The following MUSK variants were observed in gnomAD, a reference collection of about 807,000 sequenced individuals.
The protein encoded by MUSK is muscle associated receptor tyrosine kinase.
MUSK carries 55 observed loss-of-function variants against 88.7 expected under a neutral mutation model. That is an observed-to-expected ratio of 0.62 (90% CI 0.50 to 0.78). The LOEUF is 0.78. Among genes scored for constraint, MUSK ranks in the 30% least tolerant of loss-of-function variants. The pLI is 0.00. For missense variants in MUSK, 1,015 were observed against 1,074.3 expected, an observed-to-expected ratio of 0.94 and a Z score of 0.77; for synonymous variants, 387 against 391.9, an observed-to-expected ratio of 0.99 and a Z score of 0.15.
intron 8 of MUSK, among the ~76,000 whole-genome samples, chr9:110,764,797 C>G (rs1023433902): frequency 6.6e-6 from 1 of 152,046 alleles, no homozygotes; most frequent in African/African-American, 2.4e-5. Context: ...TATGTTTTTT[C>G]CCAGCACATA....
intron 3 of MUSK, among the ~76,000 whole-genome samples, chr9:110,692,034 CT>C (rs895232348): frequency 1.3e-5 from 2 of 151,702 alleles, no homozygotes; most frequent in African/African-American, 4.8e-5. Flanking sequence ...TAGGATTTTT[CT>C]TTTTTTTCTA....
chr9:110,781,542 C>G (rs1017349875), intron 11 of MUSK, among the ~76,000 whole-genome samples: 2 of 152,180 alleles, frequency 1.3e-5, no homozygotes, highest in Admixed American at 1.3e-4. Flanking sequence ...TCCCAAAGTG[C>G]TGGGATTACA....
chr9:110,681,045 A>ATATTATATAT, intron 1 of MUSK, among the ~76,000 whole-genome samples: 1 of 20,534 alleles, frequency 4.9e-5, no homozygotes, highest in Non-Finnish European at 8.6e-5. Flanking sequence ...ATTATATAAT[A>ATATTATATAT]TATATTATAT....
intron 9 of MUSK, among the ~76,000 whole-genome samples, chr9:110,770,484 T>A (rs1445533959): frequency 6.8e-6 from 1 of 146,810 alleles, no homozygotes; most frequent in Non-Finnish European, 1.5e-5. Flanking sequence ...ATAATTATAA[T>A]TATAGTTTAT....
chr9:110,687,341 C>T, intron 3 of MUSK, 73 bp downstream of exon 3: 1 of 1,558,080 alleles, frequency 6.4e-7, no homozygotes, highest in Non-Finnish European at 8.8e-7. Context: ...TTATTTTTTA[C>T]ATTTTTTTTT....
At chr9:110,752,359 G>T (rs1466675749) in intron 7 of MUSK, among the ~76,000 whole-genome samples, 1 of 152,190 alleles carries the variant, frequency 6.6e-6, no homozygotes, top group Non-Finnish European at 1.5e-5. Flanking sequence ...TTCATTCAGG[G>T]TCATTTGAAA....
At position 110,733,269 on chromosome 9, in the gene MUSK, C is replaced by T. The variant is rs114562048; in HGVS notation, c.629-982C>T. 3.8e-3 allele frequency among the ~76,000 whole-genome samples: 571 copies of T among 152,212 alleles called. 2 individuals carry two copies. Among genetic ancestry groups the T allele is most frequent in the African/African-American group, 0.013 (550 of 41,552 alleles). On this transcript the variant is annotated intron_variant, in intron 5 of 14. Coordinates refer to ENST00000374448, the MANE Select transcript of MUSK (RefSeq NM_005592.4). ...TCAGAAGACTTGAGTCCAGGTTTCT[C>T]ACTCATCATTCTTGTTACCTTGGGA...
intron 5 of MUSK, among the ~76,000 whole-genome samples, chr9:110,711,016 G>T (rs979707674): frequency 6.6e-6 from 1 of 151,976 alleles, no homozygotes; most frequent in Non-Finnish European, 1.5e-5. Context: ...ACCAAACACC[G>T]CATGTTCTCA....
At chr9:110,682,856 T>C in intron 2 of MUSK, 56 bp downstream of exon 2, 3 of 1,212,976 alleles carry the variant, frequency 2.5e-6, no homozygotes, top group Non-Finnish European at 2.3e-6. Flanking sequence ...AGTAGGTGTA[T>C]ATATATGTAT....
In MUSK at chr9:110,775,937, C is replaced by A; in HGVS notation, c.1334C>A (p.Thr445Lys). The change falls in exon 10 of 15, where the codon ACG (threonine) becomes AAG (lysine). Residue 445 changes from threonine to lysine, a missense_variant. Coordinates refer to ENST00000374448, the MANE Select transcript of MUSK (RefSeq NM_005592.4). ...CTTCCCAGCATGCATTGGGACCCCA[C>A]GGCCTGTGCCAGACTGCCACATCTA... ...SKLPSMHWDP[T>K]ACARLPHLDY... 1 of 1,613,570 alleles carries A rather than the reference C, an allele frequency of 6.2e-7. No homozygotes were observed. The highest frequency in any genetic ancestry group is 8.5e-7 in the Non-Finnish European group (1 of 1,179,580).
intron 5 of MUSK, among the ~76,000 whole-genome samples, chr9:110,703,020 G>A (rs2076552129): frequency 6.6e-6 from 1 of 151,992 alleles, no homozygotes; most frequent in South Asian, 2.1e-4. Flanking sequence ...GCTAAAAGAA[G>A]AAGCACTTTA....
chr9:110,756,693 C>T (rs1441990924), intron 7 of MUSK, among the ~76,000 whole-genome samples: 1 of 152,046 alleles, frequency 6.6e-6, no homozygotes, highest in Non-Finnish European at 1.5e-5. Context: ...TAATTCATCC[C>T]CTTTCTCCTT....
In MUSK at chr9:110,687,254, T is replaced by A; in HGVS notation, c.344T>A (p.Leu115Gln). Residue 115 changes from leucine (L) to glutamine (Q), a missense_variant, in exon 3 of 15, where the codon CTG (leucine) becomes CAG (glutamine). Leu to Gln is a moderately radical substitution (Grantham distance 113). Transcript: ENST00000374448. ...GGAGCTGTGGAGAGTTGTGGAGCCC[T>A]GCAAGTGAAGATGAGTGAGTGGGAA... Reference protein sequence around the residue: ...VGGAVESCGALQVKMKPKITR... With the variant: ...VGGAVESCGAQQVKMKPKITR... 6.2e-7 allele frequency: 1 copy of A among 1,613,780 alleles called. No homozygotes were observed. Among genetic ancestry groups the A allele is most frequent in the Non-Finnish European group, 8.5e-7 (1 of 1,179,770 alleles).
intron 4 of MUSK, among the ~76,000 whole-genome samples, chr9:110,696,855 T>G (rs891175551): frequency 6.6e-6 from 1 of 151,926 alleles, no homozygotes; most frequent in African/African-American, 2.4e-5. Flanking sequence ...AAGGATGAAC[T>G]GTATAGTGGC....
chr9:110,751,424 G>A lies in MUSK; in HGVS notation c.913+3624G>A, dbSNP rs117893701. 1.4e-3 allele frequency among the ~76,000 whole-genome samples: 208 copies of A among 152,288 alleles called. 2 individuals carry two copies. Among genetic ancestry groups the A allele is most frequent in the Middle Eastern group, 3.4e-3 (1 of 294 alleles). On this transcript the variant is annotated intron_variant, in intron 7 of 14. Coordinates refer to ENST00000374448, the MANE Select transcript of MUSK (RefSeq NM_005592.4). ...ACCAGAATGAGGATGGGGACAATCA[G>A]CAATGGCCACCCAGGAAAAATAACA...
At chr9:110,703,002 A>G (rs2076551787) in intron 5 of MUSK, among the ~76,000 whole-genome samples, 1 of 152,046 alleles carries the variant, frequency 6.6e-6, no homozygotes, top group East Asian at 1.9e-4. Context: ...ATTTAACAAG[A>G]AAAAAAAGCT....
intron 1 of MUSK, among the ~76,000 whole-genome samples, chr9:110,679,528 T>G (rs912455687): frequency 5.3e-5 from 8 of 152,072 alleles, no homozygotes; most frequent in Non-Finnish European, 1.2e-4. Flanking sequence ...CTTATACCAT[T>G]GGCACTTACT....
Position 110,785,643 on chromosome 9 carries a change from TG to T in MUSK, c.1705del (p.Glu569SerfsTer10). 6.2e-7 allele frequency: 1 copy of T among 1,613,252 alleles called. No individual in the cohort carries two copies. The highest frequency in any genetic ancestry group is 1.3e-5 in the African/African-American group (1 of 74,930). ...CTTCTGAACCCCAAATTGCTCAGCCTGGAGTATCCAAGGAATAACATTGAAT... is the reference window on the plus strand; with the variant it reads ...CTTCTGAACCCCAAATTGCTCAGCCTGAGTATCCAAGGAATAACATTGAAT... ...PLLLNPKLLS[L>X]EYPRNNIEYV... is the part of the protein sequence containing the mutation. On this transcript the variant is annotated frameshift_variant, in exon 13 of 15. Transcript: ENST00000374448. LOFTEE classifies it high-confidence loss of function.
intron 1 of MUSK, among the ~76,000 whole-genome samples, chr9:110,675,252 T>G (rs1358003555): frequency 7.0e-6 from 1 of 143,076 alleles, no homozygotes; most frequent in African/African-American, 2.6e-5. Flanking sequence ...GACAGAGTCT[T>G]GCACTGTCGC....
Sources: allele counts gnomAD v4.1 joint callset (sites outside exome capture counted in the v4.1 genomes callset), GRCh38; gene constraint gnomAD v4.1.1; transcripts MANE v1.5; gene names NCBI Gene and HGNC (gene_info 2026-07-23, HGNC 2026-07-21).